The following MYPN variants were observed in gnomAD, a reference collection of about 807,000 sequenced individuals.
MYPN encodes the protein myopalladin, also known as sarcomeric protein myopalladin, 145 kDa (MYOP).
A neutral mutation model predicts 129.4 loss-of-function variants in MYPN; 63 were observed. That is an observed-to-expected ratio of 0.49 (90% CI 0.40 to 0.60). The LOEUF (loss-of-function observed/expected upper bound fraction) is 0.60, where lower values mean the gene tolerates loss of function less well. MYPN is among the 20% of genes least tolerant of loss of function. MYPN has a pLI of 0.00. For missense variants in MYPN, 1,596 were observed against 1,635.4 expected (o/e 0.98, Z 0.42); for synonymous variants, 629 against 600.9 (o/e 1.05, Z -0.68).
intron 19 of MYPN, among the ~76,000 whole-genome samples, chr10:68,209,688 T>TG (rs2043876177): frequency 1.5e-4 from 18 of 122,426 alleles, no homozygotes; most frequent in African/African-American, 3.8e-4. Context: ...TTTTTTTTTT[T>TG]GTTTGTTTTT....
chr10:68,171,394 A>T (rs1297508558), intron 10 of MYPN, among the ~76,000 whole-genome samples: 2 of 152,058 alleles, frequency 1.3e-5, no homozygotes, highest in Non-Finnish European at 2.9e-5. Context: ...TGGTTGGCAG[A>T]CCCGCTGCAT....
chr10:68,111,215 T>A (rs1202846101), intron 1 of MYPN, among the ~76,000 whole-genome samples: 1 of 152,180 alleles, frequency 6.6e-6, no homozygotes, highest in Non-Finnish European at 1.5e-5. Flanking sequence ...TTTGAACATA[T>A]GAGACAACAG....
At position 68,199,408 on chromosome 10, in the gene MYPN, ATG is replaced by A; in HGVS notation, c.3327_3328del (p.Asn1109LysfsTer25). 4.3e-6 allele frequency: 7 copies of A among 1,614,114 alleles called. No individual in the cohort carries two copies. The highest frequency in any genetic ancestry group is 5.9e-6 in the Non-Finnish European group (7 of 1,180,022). On this transcript the variant is annotated frameshift_variant, in exon 17 of 20. Coordinates refer to ENST00000358913, the MANE Select transcript of MYPN (RefSeq NM_032578.4). LOFTEE classifies it high-confidence loss of function. ...CCCCCGGAGCTGACATGGCTACTCA[ATG>A]GCCAACCTGTGCTACCAGATGCCTC...
At chr10:68,147,521 C>T (rs1343839002) in intron 4 of MYPN, among the ~76,000 whole-genome samples, 1 of 152,270 alleles carries the variant, frequency 6.6e-6, no homozygotes, top group African/African-American at 2.4e-5. Flanking sequence ...AACACCTAGA[C>T]CAAAGGAAAG....
At chr10:68,187,434 A>G (rs1448357089) in intron 12 of MYPN, among the ~76,000 whole-genome samples, 1 of 152,170 alleles carries the variant, frequency 6.6e-6, no homozygotes, top group East Asian at 1.9e-4. Flanking sequence ...TTACTTTACA[A>G]AAGTGCAGCC....
Position 68,174,419 on chromosome 10 carries a change from G to C in MYPN, c.2327G>C (p.Gly776Ala). Reference sequence around the variant, plus strand: ...CCCTCTGTGCAAACCAAATCTCCAGGAGGGCTTTCCATCCAAAATGAGCCA... The same window carrying C: ...CCCTCTGTGCAAACCAAATCTCCAGCAGGGCTTTCCATCCAAAATGAGCCA... ...SHPSVQTKSPGGLSIQNEPLP... is the reference protein window; with the variant it reads ...SHPSVQTKSPAGLSIQNEPLP... Residue 776 changes from glycine (G) to alanine (A), a missense_variant, in exon 11 of 20, where the codon GGA becomes GCA. Physicochemically the swap from Gly to Ala is moderately conservative, Grantham distance 60 (BLOSUM62 0). Transcript: ENST00000358913. 1 of 1,614,042 alleles carries C rather than the reference G, an allele frequency of 6.2e-7. No individual in the cohort carries two copies. The highest frequency in any genetic ancestry group is 2.2e-5 in the East Asian group (1 of 44,866).
At chr10:68,194,599 T>C in intron 14 of MYPN, 87 bp downstream of exon 14, 2 of 1,427,682 alleles carry the variant, frequency 1.4e-6, no homozygotes, top group South Asian at 1.2e-5. Flanking sequence ...AAGTGCGAGT[T>C]ACTAAGGATT....
intron 3 of MYPN, among the ~76,000 whole-genome samples, chr10:68,144,444 G>C (rs2042628783): frequency 6.6e-6 from 1 of 152,138 alleles, no homozygotes; most frequent in Non-Finnish European, 1.5e-5. Context: ...CAAGTACATA[G>C]TGAGTATTTG....
chr10:68,176,873 C>T (rs549567982), intron 12 of MYPN, among the ~76,000 whole-genome samples: 28 of 152,308 alleles, frequency 1.8e-4, no homozygotes, highest in Admixed American at 1.3e-3. Flanking sequence ...TTCAGTTTTA[C>T]AGAACAGTTA....
chr10:68,090,502 G>T (rs1564635221), intron 1 of MYPN, among the ~76,000 whole-genome samples: 1 of 152,126 alleles, frequency 6.6e-6, no homozygotes, highest in African/African-American at 2.4e-5. Context: ...GGTAGATATA[G>T]TCATGAATAT....
At chr10:68,116,890 A>G (rs2042165244) in intron 1 of MYPN, among the ~76,000 whole-genome samples, 1 of 151,998 alleles carries the variant, frequency 6.6e-6, no homozygotes, top group Non-Finnish European at 1.5e-5. Context: ...GTTTTCTTTG[A>G]CCTCCTTTAT....
intron 4 of MYPN, among the ~76,000 whole-genome samples, chr10:68,146,735 T>C (rs1337494021): frequency 6.6e-6 from 1 of 152,200 alleles, no homozygotes; most frequent in Admixed American, 6.5e-5. Context: ...TAGAAAGAAA[T>C]AAAGGCTTGT....
intron 1 of MYPN, among the ~76,000 whole-genome samples, chr10:68,113,360 T>C (rs1483203918): frequency 6.6e-6 from 1 of 152,234 alleles, no homozygotes; most frequent in Admixed American, 6.5e-5. Context: ...GGTTTTTTCA[T>C]GAATGTGCTT....
rs139820597 is a variant in MYPN at position 68,201,917 on chromosome 10, C to T, written c.3582C>T (p.Arg1194=). 1.2e-4 allele frequency: 195 copies of T among 1,614,030 alleles called. No individual in the cohort carries two copies. The highest frequency in any genetic ancestry group is 1.5e-4 in the Non-Finnish European group (175 of 1,180,034). ...PEGHPVRLEC[R]VIGMPPPVFY... ...GCCACCCCGTGAGACTGGAGTGCCG[C>T]GTGATAGGCATGCCCCCACCTGTGT... Residue 1194 remains arginine, a synonymous_variant, in exon 18 of 20, where the codon CGC becomes CGT. Transcript: ENST00000358913.
At chr10:68,102,856 A>G (rs933873993), upstream of MYPN, among the ~76,000 whole-genome samples, 2 of 152,202 alleles carry the variant, frequency 1.3e-5, no homozygotes, top group Non-Finnish European at 2.9e-5. Flanking sequence ...TTTTGTGTTT[A>G]ACTTCTCTGT....
chr10:68,182,402 A>G (rs1268463726), intron 12 of MYPN, among the ~76,000 whole-genome samples: 4 of 93,612 alleles, frequency 4.3e-5, no homozygotes, highest in African/African-American at 6.4e-5. Flanking sequence ...ACATATATAT[A>G]ACACATATAT....
intron 17 of MYPN, 135 bp from the exon 18 acceptor site, chr10:68,201,694 G>C (rs1452741627): frequency 7.5e-6 from 7 of 932,458 alleles, no homozygotes; most frequent in Non-Finnish European, 1.1e-5. Flanking sequence ...CCTGAACCTG[G>C]CAGGGGAGGG....
chr10:68,142,533 G>T (rs1021449920), intron 2 of MYPN, among the ~76,000 whole-genome samples: 2 of 152,140 alleles, frequency 1.3e-5, no homozygotes, highest in African/African-American at 4.8e-5. Flanking sequence ...AGAAAGAAAC[G>T]AGTGTCCTCA....
At chr10:68,178,727 A>G (rs966729486) in intron 12 of MYPN, among the ~76,000 whole-genome samples, 1 of 150,810 alleles carries the variant, frequency 6.6e-6, no homozygotes, top group Non-Finnish European at 1.5e-5. Flanking sequence ...AAAAAAAAAA[A>G]GGAATCCAGG....
Sources: gnomAD v4.1 joint callset for allele counts (sites outside exome capture counted in the v4.1 genomes callset) on GRCh38, gnomAD v4.1.1 for gene constraint, MANE v1.5 for transcripts, NCBI Gene and HGNC (gene_info 2026-07-23, HGNC 2026-07-21) for gene names.